CR2: variants seen among roughly 807,000 people sequenced by gnomAD.
The protein encoded by CR2 is complement receptor type 2.
CR2 carries 96 observed loss-of-function variants against 123.0 expected under a neutral mutation model. The ratio of observed to expected loss-of-function variants is 0.78; its 90% CI spans 0.66 to 0.93. CR2 has a LOEUF of 0.93. CR2 is among the 40% of genes least tolerant of loss of function. CR2 has a pLI of 0.00. For missense variants in CR2, 1,258 were observed against 1,361.0 expected, an observed-to-expected ratio of 0.92 and a Z score of 1.19; for synonymous variants, 484 against 469.5, an observed-to-expected ratio of 1.03 and a Z score of -0.40.
chr1:207,459,516 T>C (rs896931635), intron 1 of CR2, among the ~76,000 whole-genome samples: 3 of 152,230 alleles, frequency 2.0e-5, no homozygotes, highest in Non-Finnish European at 4.4e-5. Context: ...TTATCCTATA[T>C]GTTTGTTTTT....
chr1:207,487,213 A>G (rs181484468), intron 19 of CR2, among the ~76,000 whole-genome samples: 1 of 152,208 alleles, frequency 6.6e-6, no homozygotes, highest in East Asian at 1.9e-4. Context: ...GGAGTGATCA[A>G]CTCTGTCCAG....
At chr1:207,484,661 C>T (rs1427762641) in intron 18 of CR2, among the ~76,000 whole-genome samples, 1 of 152,186 alleles carries the variant, frequency 6.6e-6, no homozygotes, top group African/African-American at 2.4e-5. Flanking sequence ...ATTCTTTCTT[C>T]CCCAGTAATT....
In CR2 at chr1:207,468,813, A is replaced by C; in HGVS notation, c.648A>C (p.Lys216Asn). ...VPPTCEEARC[K>N]SLGRFPNGKV... ...TTTGTTTTTTAGAGGCACGCTGTAA[A>C]TCTCTAGGACGATTTCCCAATGGGA... The change falls in exon 4 of 20, where the codon AAA becomes AAC. Residue 216 changes from lysine to asparagine, a missense_variant. Lys to Asn is a moderately conservative substitution (Grantham distance 94, BLOSUM62 0). Coordinates refer to ENST00000367057, the MANE Select transcript of CR2 (RefSeq NM_001006658.3). 6.2e-7 allele frequency: 1 copy of C among 1,613,980 alleles called. No individual in the cohort carries two copies. The highest frequency in any genetic ancestry group is 1.1e-5 in the South Asian group (1 of 91,082).
rs765704950 is a variant in CR2 at position 207,473,679 on chromosome 1, A to G, written c.2113A>G (p.Met705Val). ...TGTGGGAAACAAATCCATTCACTGT[A>G]TGCCTTCAGGAAATTGGAGTCCTTC... ...LLVGNKSIHCMPSGNWSPSAP... is the reference protein window; with the variant it reads ...LLVGNKSIHCVPSGNWSPSAP... The change falls in exon 11 of 20, where the codon ATG (methionine) becomes GTG (valine). Residue 705 changes from methionine (M) to valine (V), a missense_variant. Transcript: ENST00000367057. 18 of 1,613,886 alleles carry G rather than the reference A, an allele frequency of 1.1e-5. No homozygotes were observed. The highest frequency in any genetic ancestry group is 2.7e-5 in the African/African-American group (2 of 74,906).
intron 1 of CR2, among the ~76,000 whole-genome samples, chr1:207,458,101 C>CACACATACA (rs1553278547): frequency 6.6e-6 from 1 of 151,194 alleles, no homozygotes; most frequent in African/African-American, 2.4e-5. Context: ...CACACACACT[C>CACACATACA]CTTTTTCAGG....
Position 207,470,030 on chromosome 1 carries a change from T to C in CR2, c.1153T>C (p.Leu385=). 1 of 1,614,004 alleles carries C rather than the reference T, an allele frequency of 6.2e-7. No homozygotes were observed. Among genetic ancestry groups the C allele is most frequent in the African/African-American group, 1.3e-5 (1 of 75,026 alleles). Reference sequence around the variant, plus strand: ...ATTTGCTTGCATGTTTGGCTTCACCTTGAAGGGCAGCAAGCAAATCCGATG... The same window carrying C: ...ATTTGCTTGCATGTTTGGCTTCACCCTGAAGGGCAGCAAGCAAATCCGATG... The part of the protein sequence containing the change: ...VIFACMFGFT[L]KGSKQIRCNA... Residue 385 remains leucine (L), a synonymous_variant, in exon 6 of 20, where the codon TTG becomes CTG. Transcript: ENST00000367057.
At chr1:207,471,710 A>G (rs943104145) in intron 9 of CR2, 1 of 509,004 alleles carries the variant, frequency 2.0e-6, no homozygotes, top group African/African-American at 1.9e-5. Context: ...TACTGATTCT[A>G]TTTTGTGGTT....
At chr1:207,468,425 C>T in intron 2 of CR2, 102 bp from the exon 3 acceptor site, 1 of 1,157,640 alleles carries the variant, frequency 8.6e-7, no homozygotes, top group Non-Finnish European at 1.3e-6. Flanking sequence ...TTTTCTTCTT[C>T]CAATGTTGCC....
At chr1:207,470,342 G>GA (rs528240470) in intron 6 of CR2, among the ~76,000 whole-genome samples, 541 of 152,094 alleles carry the variant, frequency 3.6e-3, no homozygotes, top group Non-Finnish European at 6.0e-3. Flanking sequence ...TTCTATAGGG[G>GA]AAAAAATGAG....
intron 19 of CR2, among the ~76,000 whole-genome samples, chr1:207,487,743 T>C (rs1365252955): frequency 6.6e-6 from 1 of 151,972 alleles, no homozygotes; most frequent in Non-Finnish European, 1.5e-5. Flanking sequence ...GAGAGAAGAA[T>C]TGCTCGAACA....
At chr1:207,467,454 T>C (rs1245679169) in intron 2 of CR2, among the ~76,000 whole-genome samples, 2 of 152,196 alleles carry the variant, frequency 1.3e-5, no homozygotes, top group Non-Finnish European at 2.9e-5. Flanking sequence ...AATAGGGACC[T>C]ACTGTAAATT....
At chr1:207,465,370 A>G (rs1246310318) in intron 1 of CR2, among the ~76,000 whole-genome samples, 2 of 151,932 alleles carry the variant, frequency 1.3e-5, no homozygotes, top group African/African-American at 2.4e-5. Context: ...TTAAAAAAGC[A>G]GATAGCACCA....
Position 207,474,229 on chromosome 1 carries a change from GTC to G in CR2, c.2241-6_2241-5del. 1.3e-6 allele frequency: 2 copies of G among 1,591,836 alleles called. No individual in the cohort carries two copies. Among genetic ancestry groups the G allele is most frequent in the Non-Finnish European group, 1.7e-6 (2 of 1,159,926 alleles). ...GGGAACAGGAAATGCATTATAATCT[GTC>G]TCTCTGTAGGTACCAGTTGACTGGA... is the stretch of plus-strand genomic sequence containing the variant. On this transcript the variant is annotated splice_polypyrimidine_tract_variant and intron_variant, in intron 12 of 19. Transcript: ENST00000367057.
intron 18 of CR2, among the ~76,000 whole-genome samples, chr1:207,482,592 C>T (rs942419454): frequency 6.6e-5 from 10 of 152,100 alleles, no homozygotes; most frequent in African/African-American, 2.4e-4. Flanking sequence ...CCTCTGTCAT[C>T]AAGGAGGTCA....
In CR2 at chr1:207,485,538, A is replaced by T; in HGVS notation, c.3263A>T (p.Tyr1088Phe). The stretch of plus-strand genomic sequence containing the variant: ...CGAGAAGTATATTCTGTTGATCCAT[A>T]CAACCCAGCCAGCTGATCAGAAGAC... Reference protein sequence around the residue: ...EAREVYSVDPYNPAS With the variant: ...EAREVYSVDPFNPAS The change falls in exon 19 of 20, where the codon TAC becomes TTC. Residue 1088 changes from tyrosine to phenylalanine, a missense_variant. Physicochemically the swap from Tyr to Phe is conservative, Grantham distance 22 (BLOSUM62 3). Coordinates refer to ENST00000367057, the MANE Select transcript of CR2 (RefSeq NM_001006658.3). 6.2e-7 allele frequency: 1 copy of T among 1,611,324 alleles called. No homozygotes were observed. The highest frequency in any genetic ancestry group is 8.5e-7 in the Non-Finnish European group (1 of 1,177,450).
rs762951469 is a variant in CR2 at position 207,472,798 on chromosome 1, A to T, written c.1597A>T (p.Ile533Phe). The change falls in exon 10 of 20, where the codon ATC becomes TTC. Residue 533 changes from isoleucine (I) to phenylalanine (F), a missense_variant. By Grantham distance (21) the Ile-to-Phe change is conservative. Transcript: ENST00000367057. The part of the protein sequence containing the change: ...KEITCPPPPV[I>F]YNGAHTGSSL... ...AATCACCTGCCCACCACCCCCTGTT[A>T]TCTACAATGGGGCACACACCGGGAG... The T allele has an allele frequency of 1.5e-5, 25 of 1,613,896 alleles. 1 individual carries two copies. The highest frequency in any genetic ancestry group is 1.2e-4 in the Admixed American group (7 of 59,974).
At chr1:207,459,802 C>T (rs1657923844) in intron 1 of CR2, among the ~76,000 whole-genome samples, 1 of 152,170 alleles carries the variant, frequency 6.6e-6, no homozygotes, top group African/African-American at 2.4e-5. Flanking sequence ...CTTAACCTTC[C>T]CTTTTCTGAT....
At chr1:207,479,696 T>C (rs1658551449) in intron 17 of CR2, among the ~76,000 whole-genome samples, 1 of 152,172 alleles carries the variant, frequency 6.6e-6, no homozygotes, top group Admixed American at 6.6e-5. Context: ...AGTGACAAGA[T>C]TGTTACTAAT....
intron 18 of CR2, among the ~76,000 whole-genome samples, chr1:207,483,391 G>A (rs996703819): frequency 2.0e-5 from 3 of 152,144 alleles, no homozygotes; most frequent in Admixed American, 6.5e-5. Flanking sequence ...GGCTGGAGGC[G>A]GGAGGGTGAG....
Sources: gnomAD v4.1 joint callset for allele counts (sites outside exome capture counted in the v4.1 genomes callset) on GRCh38, gnomAD v4.1.1 for gene constraint, MANE v1.5 for transcripts, NCBI Gene and HGNC (gene_info 2026-07-23, HGNC 2026-07-21) for gene names.